PHACTR3: variants seen among roughly 807,000 people sequenced by gnomAD.
PHACTR3 encodes the protein phosphatase and actin regulator 3, also known as protein phosphatase 1, regulatory subunit 123.
In PHACTR3, 16 loss-of-function variants were observed where a neutral mutation model predicts 66.8. The ratio of observed to expected loss-of-function variants is 0.24; its 90% CI spans 0.16 to 0.36. The LOEUF is 0.36. PHACTR3 is among the 10% of genes least tolerant of loss of function. The pLI is 1.00. For missense variants in PHACTR3, 647 were observed against 719.9 expected (o/e 0.90, Z 1.16); for synonymous variants, 323 against 292.1 (o/e 1.11, Z -1.08).
In PHACTR3 at chr20:59,580,374, G is replaced by C. The variant is rs143202742; in HGVS notation, c.109+2757G>C. Among the ~76,000 whole-genome samples the C allele has an allele frequency of 1.4e-4, 21 of 152,230 alleles. 1 individual carries two copies. The East Asian group carries it at 4.1e-3, about 30-fold the overall frequency. ...CTGTCCAGCTGCCACCTGAAGCTCA[G>C]CTTCCATGATTTGTGTGGCTACTTC... On this transcript the variant is annotated intron_variant, in intron 1 of 12. Transcript: ENST00000359926.
chr20:59,805,974 CCAGCCCTCCGCT>C, intron 7 of PHACTR3, 55 bp from the exon 8 acceptor site: 1 of 1,525,058 alleles, frequency 6.6e-7, no homozygotes, highest in African/African-American at 1.4e-5. Flanking sequence ...CATTGACAAG[CCAGCCCTCCGCT>C]AAGACCTGTC....
chr20:59,681,480 T>C (rs776593689), intron 1 of PHACTR3, among the ~76,000 whole-genome samples: 7 of 152,250 alleles, frequency 4.6e-5, no homozygotes, highest in Non-Finnish European at 1.0e-4. Flanking sequence ...TCCCAGGTTC[T>C]GAGTCTTCAA....
intron 1 of PHACTR3, among the ~76,000 whole-genome samples, chr20:59,632,828 G>T (rs187690132): frequency 2.6e-5 from 4 of 152,328 alleles, no homozygotes; most frequent in African/African-American, 9.6e-5. Context: ...CCTGCTTTAA[G>T]TGCATGCCCA....
chr20:59,821,999 C>CAATCCCACCCCTTCCCCAGG (rs1568856003), intron 8 of PHACTR3, among the ~76,000 whole-genome samples: 1 of 140,062 alleles, frequency 7.1e-6, no homozygotes, highest in African/African-American at 2.6e-5. Flanking sequence ...CCTTCCCCAG[C>CAATCCCACCCCTTCCCCAGG]AATCCCACCC....
intron 7 of PHACTR3, among the ~76,000 whole-genome samples, chr20:59,777,636 T>A (rs1368851088): frequency 2.0e-5 from 3 of 152,234 alleles, no homozygotes; most frequent in Non-Finnish European, 2.9e-5. Flanking sequence ...AGTTGCAGAT[T>A]CACACTAATT....
intron 11 of PHACTR3, chr20:59,843,678 T>C (rs1418815978): frequency 1.3e-5 from 2 of 151,958 alleles, no homozygotes; most frequent in African/African-American, 4.8e-5. Context: ...TATACAAAAA[T>C]CAACTTGAAG....
intron 1 of PHACTR3, among the ~76,000 whole-genome samples, chr20:59,627,397 A>T (rs1279191128): frequency 1.3e-5 from 2 of 152,210 alleles, no homozygotes; most frequent in East Asian, 3.8e-4. Context: ...GTGGTGTGAG[A>T]GGGATCAGAT....
chr20:59,731,308 C>A (rs2038750698), intron 1 of PHACTR3, among the ~76,000 whole-genome samples: 1 of 152,160 alleles, frequency 6.6e-6, no homozygotes, highest in Non-Finnish European at 1.5e-5. Flanking sequence ...AGCTTTTAGC[C>A]TTTGCAAAGA....
chr20:59,635,157 C>CTT (rs1171337274), intron 1 of PHACTR3, among the ~76,000 whole-genome samples: 200 of 51,554 alleles, frequency 3.9e-3, no homozygotes, highest in East Asian at 0.013. Context: ...CTTTTTCTTT[C>CTT]TTTCTTTCTT....
intron 1 of PHACTR3, among the ~76,000 whole-genome samples, chr20:59,605,846 C>CGGGGG (rs200107140): frequency 2.6e-4 from 2 of 7,754 alleles, no homozygotes; most frequent in African/African-American, 9.2e-4. Context: ...CCTAATAAAG[C>CGGGGG]GGGGGGGGAG....
intron 1 of PHACTR3, among the ~76,000 whole-genome samples, chr20:59,737,641 A>G (rs1341950831): frequency 6.6e-6 from 1 of 152,036 alleles, no homozygotes; most frequent in Non-Finnish European, 1.5e-5. Flanking sequence ...GGCAAGAAAT[A>G]GTGAGGAGTG....
rs113088274 is a variant in PHACTR3 at position 59,765,950 on chromosome 20, C to T, written c.542-1236C>T. On this transcript the variant is annotated intron_variant, in intron 4 of 12. Transcript: ENST00000371015. ...TGAATAAGATGATGTATGCCAGGTG[C>T]CTTCCACAGGCCTTAGCACTCAAGA... 2.0e-3 allele frequency among the ~76,000 whole-genome samples: 303 copies of T among 152,300 alleles called. 4 individuals carry two copies. The highest frequency in any genetic ancestry group is 6.9e-3 in the African/African-American group (287 of 41,574).
chr20:59,764,457 G>C (rs2040110985), intron 4 of PHACTR3, among the ~76,000 whole-genome samples: 1 of 152,124 alleles, frequency 6.6e-6, no homozygotes, highest in Non-Finnish European at 1.5e-5. Flanking sequence ...CCCCACCATG[G>C]TTTCATGTTG....
At position 59,743,231 on chromosome 20, in the gene PHACTR3, G is replaced by GAAAAAGA; in HGVS notation, c.248_254dup (p.Asn85LysfsTer40). On this transcript the variant is annotated frameshift_variant, in exon 2 of 13. Transcript: ENST00000371015. LOFTEE classifies it high-confidence loss of function. ...GGATCTTCAAACCCTGGAAATGGAG[G>GAAAAAGA]AAAAAGAAAAACGAAAAACTGAAGC... is the stretch of plus-strand genomic sequence containing the variant. 6.2e-7 allele frequency: 1 copy of GAAAAAGA among 1,614,070 alleles called. No individual in the cohort carries two copies. The highest frequency in any genetic ancestry group is 8.5e-7 in the Non-Finnish European group (1 of 1,179,968).
intron 2 of PHACTR3, among the ~76,000 whole-genome samples, 188 bp from the exon 3 acceptor site, chr20:59,747,570 C>T (rs1476140983): frequency 6.6e-6 from 1 of 152,244 alleles, no homozygotes; most frequent in African/African-American, 2.4e-5. Flanking sequence ...GTGGTTTATG[C>T]ACATTGCTTA....
chr20:59,765,883 G>A (rs2040162997), intron 4 of PHACTR3, among the ~76,000 whole-genome samples: 1 of 152,200 alleles, frequency 6.6e-6, no homozygotes, highest in Admixed American at 6.5e-5. Context: ...ACATACAGTG[G>A]GGAGAGTGTT....
intron 8 of PHACTR3, among the ~76,000 whole-genome samples, chr20:59,828,476 C>T (rs2042255933): frequency 6.6e-6 from 1 of 152,146 alleles, no homozygotes; most frequent in Non-Finnish European, 1.5e-5. Context: ...TTTCCTTTTT[C>T]CTCCTTTATA....
chr20:59,741,026 G>A (rs527876467), intron 1 of PHACTR3, among the ~76,000 whole-genome samples: 116 of 152,316 alleles, frequency 7.6e-4, no homozygotes, highest in African/African-American at 2.5e-3. Context: ...CATAATCCCC[G>A]GCCCCTTGGA....
chr20:59,831,168 C>T (rs1025779537), intron 8 of PHACTR3, among the ~76,000 whole-genome samples: 4 of 152,156 alleles, frequency 2.6e-5, no homozygotes, highest in Non-Finnish European at 5.9e-5. Context: ...TTGGCTGGTG[C>T]CCCCTTGGCC....
Sources: gnomAD v4.1 joint callset for allele counts (sites outside exome capture counted in the v4.1 genomes callset) on GRCh38, gnomAD v4.1.1 for gene constraint, MANE v1.5 for transcripts, NCBI Gene and HGNC (gene_info 2026-07-23, HGNC 2026-07-21) for gene names.